The following FGFR1OP2 variants were observed in gnomAD, a reference collection of about 807,000 sequenced individuals.
FGFR1OP2 encodes the protein fibroblast growth factor receptor 1 oncogene partner 2.
FGFR1OP2 carries 17 observed loss-of-function variants against 35.2 expected under a neutral mutation model. The observed-to-expected ratio is 0.48, with a 90% CI of 0.33 to 0.73. FGFR1OP2 has a LOEUF of 0.73. FGFR1OP2 is among the 30% of genes least tolerant of loss of function. The pLI is 0.02. For synonymous variants in FGFR1OP2, 105 were observed against 104.6 expected, an observed-to-expected ratio of 1.00 and a Z score of -0.03; for missense variants, 251 against 307.3, an observed-to-expected ratio of 0.82 and a Z score of 1.37.
intron 2 of FGFR1OP2, among the ~76,000 whole-genome samples, chr12:26,955,929 C>T (rs960129106): frequency 1.3e-5 from 2 of 152,104 alleles, no homozygotes; most frequent in East Asian, 1.9e-4. Context: ...CAAGCTTGTC[C>T]GACCTGTGAC....
intron 1 of FGFR1OP2, among the ~76,000 whole-genome samples, chr12:26,945,997 GTTGGT>G (rs2136349354): frequency 6.6e-6 from 1 of 151,716 alleles, no homozygotes; most frequent in African/African-American, 2.4e-5. Flanking sequence ...CTCTGCTGTT[GTTGGT>G]TGTAGCATTT....
chr12:26,959,631 T>C (rs191808301), intron 4 of FGFR1OP2, among the ~76,000 whole-genome samples: 1 of 152,276 alleles, frequency 6.6e-6, no homozygotes, highest in East Asian at 1.9e-4. Flanking sequence ...GTTAAACATT[T>C]CCTAAGATAG....
At chr12:26,944,856 G>A (rs1436442524) in intron 1 of FGFR1OP2, among the ~76,000 whole-genome samples, 2 of 152,084 alleles carry the variant, frequency 1.3e-5, no homozygotes, top group Non-Finnish European at 2.9e-5. Flanking sequence ...TTTTGCAGAA[G>A]ATTTCTAATT....
rs1036651655 is a variant in FGFR1OP2 at position 26,960,913 on chromosome 12, A to G, written c.510+285A>G. The G allele has an allele frequency of 2.4e-5, 5 of 208,480 alleles. No homozygotes were observed. The Admixed American group carries it at 2.9e-4, about 12-fold the overall frequency. 12.9% of individuals were successfully genotyped at this position (208,480 alleles called of 1,614,324 possible). A position where few individuals can be genotyped will look rare whatever the true frequency, so the allele number is the denominator to read the frequency against. ...TGCTCTTGTTAGTTGTTGCTGTGAA[A>G]CAGTCATTTCCTTTCTGGACATCAA... On this transcript the variant is annotated intron_variant, in intron 5 of 6. Transcript: ENST00000229395.
chr12:26,952,798 A>T (rs1424033187), intron 1 of FGFR1OP2, among the ~76,000 whole-genome samples: 1 of 151,956 alleles, frequency 6.6e-6, no homozygotes, highest in Non-Finnish European at 1.5e-5. Flanking sequence ...TGTTTTAATA[A>T]AGTTGATGAA....
intron 1 of FGFR1OP2, among the ~76,000 whole-genome samples, chr12:26,940,864 A>G (rs901194628): frequency 6.6e-6 from 1 of 152,112 alleles, no homozygotes; most frequent in Non-Finnish European, 1.5e-5. Flanking sequence ...CTTACATTTC[A>G]TTTATATTCC....
intron 1 of FGFR1OP2, among the ~76,000 whole-genome samples, chr12:26,946,510 C>T (rs1008154018): frequency 1.3e-5 from 2 of 152,112 alleles, no homozygotes; most frequent in African/African-American, 4.8e-5. Context: ...TGGGGTTTGG[C>T]CATGTTTCCC....
At chr12:26,949,135 G>T (rs1938874505) in intron 1 of FGFR1OP2, among the ~76,000 whole-genome samples, 1 of 152,166 alleles carries the variant, frequency 6.6e-6, no homozygotes, top group African/African-American at 2.4e-5. Flanking sequence ...CACCATTACA[G>T]TTTTTCTTTT....
At chr12:26,962,303 C>G (rs534698500) in intron 5 of FGFR1OP2, 14 of 152,280 alleles carry the variant, frequency 9.2e-5, no homozygotes, top group African/African-American at 3.1e-4. Flanking sequence ...GCCAAAGATA[C>G]TACCTTGTCA....
intron 1 of FGFR1OP2, among the ~76,000 whole-genome samples, chr12:26,953,125 G>A (rs147609928): frequency 0.067 from 10,231 of 151,870 alleles, 471 homozygotes; most frequent in East Asian, 0.21. Context: ...TGAGCCAGGC[G>A]TGGTGGCAGG....
At position 26,965,398 on chromosome 12, in the gene FGFR1OP2, C is replaced by A. The variant is rs1939160834; in HGVS notation, c.*665C>A. On this transcript the variant is annotated 3_prime_UTR_variant, in exon 7 of 7. Transcript: ENST00000229395. ...AATGAAAAAGAAGGAATACTACTTT[C>A]TAAGAAAGAAGATCTTATAATAGAC... 6.6e-6 allele frequency: 1 copy of A among 152,486 alleles called. No individual in the cohort carries two copies. The highest frequency in any genetic ancestry group is 6.6e-5 in the Admixed American group (1 of 15,266). 9.4% of individuals were successfully genotyped at this position (152,486 alleles called of 1,614,324 possible).
At chr12:26,952,041 A>G (rs1565849106) in intron 1 of FGFR1OP2, among the ~76,000 whole-genome samples, 1 of 143,004 alleles carries the variant, frequency 7.0e-6, no homozygotes, top group Non-Finnish European at 1.5e-5. Flanking sequence ...TATAAAACCA[A>G]TTTTTTTGGT....
At chr12:26,948,521 G>A (rs1938864993) in intron 1 of FGFR1OP2, among the ~76,000 whole-genome samples, 1 of 152,112 alleles carries the variant, frequency 6.6e-6, no homozygotes, top group Admixed American at 6.6e-5. Flanking sequence ...CATTCAAATT[G>A]TTCTCTATGA....
chr12:26,948,691 A>G (rs1194529073), intron 1 of FGFR1OP2, among the ~76,000 whole-genome samples: 1 of 152,232 alleles, frequency 6.6e-6, no homozygotes, highest in Non-Finnish European at 1.5e-5. Context: ...CTTAGAAGGA[A>G]GCAAAGTGTT....
At chr12:26,960,669 A>G (rs878999795) in intron 5 of FGFR1OP2, 41 bp downstream of exon 5, 1 of 1,570,986 alleles carries the variant, frequency 6.4e-7, no homozygotes, top group South Asian at 1.1e-5. Context: ...TGTGGATGGA[A>G]GGGGGGTCCA....
rs1006992139 is a variant in FGFR1OP2 at position 26,964,909 on chromosome 12, A to G, written c.*176A>G. The G allele has an allele frequency of 1.2e-5, 7 of 562,086 alleles. No homozygotes were observed. In the Admixed American group the frequency reaches 1.7e-4, roughly 14 times the overall value. The allele number at this position is 562,086 out of a possible 1,614,324, so 34.8% of individuals were successfully genotyped here. Reference sequence around the variant, plus strand: ...ATGGTCATAGACTTTATTCCAAAACATAATTGGAAAATAGAAACTGAGCCA... The same window carrying G: ...ATGGTCATAGACTTTATTCCAAAACGTAATTGGAAAATAGAAACTGAGCCA... On this transcript the variant is annotated 3_prime_UTR_variant, in exon 7 of 7. Coordinates refer to ENST00000229395, the MANE Select transcript of FGFR1OP2 (RefSeq NM_015633.3).
At chr12:26,942,410 G>A (rs1592245542) in intron 1 of FGFR1OP2, among the ~76,000 whole-genome samples, 2 of 152,318 alleles carry the variant, frequency 1.3e-5, no homozygotes, top group South Asian at 4.1e-4. Context: ...ACAGTATAAG[G>A]TAGTTAGTTA....
At position 26,946,555 on chromosome 12, in the gene FGFR1OP2, C is replaced by G. The variant is rs112633966; in HGVS notation, c.-14-7590C>G. ...TGGAACCCCTGGCTTCATGATCTGC[C>G]AGCCTTGGCCTCCCAAAGTGCTGGG... On this transcript the variant is annotated intron_variant, in intron 1 of 6. Transcript: ENST00000229395. 3.9e-3 allele frequency among the ~76,000 whole-genome samples: 598 copies of G among 152,328 alleles called. 5 individuals are homozygous for G. Among genetic ancestry groups the G allele is most frequent in the African/African-American group, 0.014 (564 of 41,580 alleles).
At chr12:26,948,564 G>A (rs1304675424) in intron 1 of FGFR1OP2, among the ~76,000 whole-genome samples, 1 of 152,134 alleles carries the variant, frequency 6.6e-6, no homozygotes, top group East Asian at 1.9e-4. Flanking sequence ...CTGCTTTCAA[G>A]ATTTTCTCTT....
Sources: allele counts gnomAD v4.1 joint callset (sites outside exome capture counted in the v4.1 genomes callset), GRCh38; gene constraint gnomAD v4.1.1; transcripts MANE v1.5; gene names NCBI Gene and HGNC (gene_info 2026-07-23, HGNC 2026-07-21).